Variants in XPNPEP2 observed in about 807,000 individuals in gnomAD.
XPNPEP2 encodes the protein xaa-Pro aminopeptidase 2.
In XPNPEP2, 64 loss-of-function variants were observed where a neutral mutation model predicts 59.8. That is an observed-to-expected ratio of 1.07 (90% CI 0.87 to 1.32). The LOEUF (loss-of-function observed/expected upper bound fraction) is 1.32. Among genes scored for constraint, XPNPEP2 ranks in the 40% most tolerant of loss-of-function variants. XPNPEP2 has a pLI of 0.00. For synonymous variants in XPNPEP2, 235 were observed against 210.0 expected (o/e 1.12, Z -1.03); for missense variants, 575 against 546.8 (o/e 1.05, Z -0.51).
chrX:129,748,008 A>T (rs918512794), intron 7 of XPNPEP2: 5 of 423,657 alleles, frequency 1.2e-5, no homozygotes, highest in Non-Finnish European at 2.1e-5. Flanking sequence ...TTGAAACAAG[A>T]TGGAGCAGGA....
chrX:129,757,899 GAAAGAAAGAA>G lies in XPNPEP2; in HGVS notation c.1368-1279_1368-1270del, dbSNP rs1569477267. ...AGAGAGAGAGAGAGAGAGAGAGAAA[GAAAGAAAGAA>G]AGAAAGAAAGAAAGAAAGAAAGAAA... is the stretch of plus-strand genomic sequence containing the variant. On this transcript the variant is annotated intron_variant, in intron 14 of 20. Coordinates refer to ENST00000371106, the MANE Select transcript of XPNPEP2 (RefSeq NM_003399.6). Among the ~76,000 whole-genome samples the G allele has an allele frequency of 6.4e-3, 109 of 17,004 alleles. 1 individual carries two copies. Among genetic ancestry groups the G allele is most frequent in the Admixed American group, 0.013 (24 of 1,919 alleles). The allele number at this position is 17,004 out of a possible 115,157, so 14.8% of individuals were successfully genotyped here. A position where few individuals can be genotyped will look rare whatever the true frequency, so the allele number is the denominator to read the frequency against.
intron 19 of XPNPEP2, 64 bp from the exon 20 acceptor site, chrX:129,767,539 T>C: frequency 2.7e-6 from 3 of 1,108,514 alleles, no homozygotes; most frequent in Non-Finnish European, 3.7e-6. Flanking sequence ...CTTCCTTCCC[T>C]TCAGCCCAGT....
At chrX:129,746,183 T>C (rs1475436250) in intron 4 of XPNPEP2, 53 bp from the exon 5 acceptor site, 1 of 1,085,951 alleles carries the variant, frequency 9.2e-7, no homozygotes. Context: ...CATCAGCTAA[T>C]GCCACGTTCC....
intron 6 of XPNPEP2, 83 bp from the exon 7 acceptor site, chrX:129,747,524 C>G: frequency 8.6e-7 from 1 of 1,161,383 alleles, no homozygotes; most frequent in Admixed American, 2.3e-5. Flanking sequence ...GCAAAGGGAA[C>G]CAGGACTAAC....
At chrX:129,765,914 G>A (rs753951469) in intron 19 of XPNPEP2, among the ~76,000 whole-genome samples, 1 of 111,910 alleles carries the variant, frequency 8.9e-6, no homozygotes, top group Non-Finnish European at 1.9e-5. Flanking sequence ...CTGGATTACA[G>A]GCGTGAGCCA....
chrX:129,763,610 C>T (rs1484317058), intron 19 of XPNPEP2, among the ~76,000 whole-genome samples: 2 of 111,317 alleles, frequency 1.8e-5, no homozygotes, highest in Non-Finnish European at 3.8e-5. Flanking sequence ...GAGGTTGAGG[C>T]TGCAGTGAGC....
At chrX:129,764,443 G>T (rs1449762089) in intron 19 of XPNPEP2, among the ~76,000 whole-genome samples, 3 of 109,924 alleles carry the variant, frequency 2.7e-5, no homozygotes, top group Non-Finnish European at 5.7e-5. Flanking sequence ...ATCACCTGAG[G>T]TCAGGAGTTC....
Position 129,759,086 on chromosome X carries a change from T to G in XPNPEP2, c.1368-94T>G. 3 of 1,067,169 alleles carry G rather than the reference T, an allele frequency of 2.8e-6. No individual in the cohort carries two copies. The South Asian group carries it at 5.7e-5, about 20-fold the overall frequency. 87.9% of individuals were successfully genotyped at this position (1,067,169 alleles called of 1,213,427 possible). On this transcript the variant is annotated intron_variant, in intron 14 of 20. Transcript: ENST00000371106. Reference sequence around the variant, plus strand: ...TTCCTTTCGCCGTCCACCCATCCCATCCCAGCCCTGCCACTTGTGGAAAGC... The same window carrying G: ...TTCCTTTCGCCGTCCACCCATCCCAGCCCAGCCCTGCCACTTGTGGAAAGC...
Position 129,756,569 on chromosome X carries a change from C to A in XPNPEP2, c.1367+14C>A, listed in dbSNP as rs765864811. The stretch of plus-strand genomic sequence containing the variant: ...GGGGCAGTACTGGTATGTACCCCGA[C>A]CTCACCCTAGCCTGGATGTCTCTGC... On this transcript the variant is annotated intron_variant, in intron 14 of 20. Coordinates refer to ENST00000371106, the MANE Select transcript of XPNPEP2 (RefSeq NM_003399.6). The A allele has an allele frequency of 1.1e-5, 13 of 1,206,761 alleles. No individual in the cohort carries two copies. Among genetic ancestry groups the A allele is most frequent in the Non-Finnish European group, 1.3e-5 (12 of 891,112 alleles).
chrX:129,746,559 A>G (rs764781006), intron 5 of XPNPEP2, 36 bp from the exon 6 acceptor site: 1 of 1,177,328 alleles, frequency 8.5e-7, no homozygotes, highest in South Asian at 1.8e-5. Flanking sequence ...CTGGCCCTGA[A>G]GGTGACCTCT....
chrX:129,765,476 C>T (rs978062673), intron 19 of XPNPEP2, among the ~76,000 whole-genome samples: 1 of 111,070 alleles, frequency 9.0e-6, no homozygotes, highest in Non-Finnish European at 1.9e-5. Flanking sequence ...AAAGGTTGCA[C>T]CAATTGTACT....
Position 129,751,838 on chromosome X carries a change from C to T in XPNPEP2, c.821+12C>T, listed in dbSNP as rs889390820. 1.0e-5 allele frequency: 12 copies of T among 1,196,828 alleles called. No individual in the cohort carries two copies. The East Asian group carries it at 3.3e-4, about 33-fold the overall frequency. On this transcript the variant is annotated intron_variant, in intron 9 of 20. Transcript: ENST00000371106. ...GACTCTTCTATTAGGTATGGCTTTT[C>T]CTTAGCTTGCTGTTGTGGACTTTCT...
intron 19 of XPNPEP2, among the ~76,000 whole-genome samples, chrX:129,766,583 G>A (rs145977178): frequency 0.021 from 2,321 of 109,493 alleles, 54 homozygotes; most frequent in African/African-American, 0.073. Context: ...ATCACAGCCC[G>A]CTGCAGCTTC....
intron 14 of XPNPEP2, among the ~76,000 whole-genome samples, chrX:129,757,923 G>GAA (rs1254910637): frequency 9.6e-6 from 1 of 104,031 alleles, no homozygotes; most frequent in Admixed American, 1.0e-4. Context: ...AAGAAAGAAA[G>GAA]AAAGAAAGAA....
intron 1 of XPNPEP2, among the ~76,000 whole-genome samples, chrX:129,741,317 G>A (rs1413397305): frequency 8.9e-6 from 1 of 111,952 alleles, no homozygotes; most frequent in Non-Finnish European, 1.9e-5. Context: ...CTGAAAGTGC[G>A]CTCACCTCTT....
At position 129,767,769 on chromosome X, in the gene XPNPEP2, T is replaced by C. The variant is rs758098950; in HGVS notation, c.1830+77T>C. ...CTGCTACCTGCCACCACATCCTCTG[T>C]CCCTGCCCCTCCTCCAGGAGGGTCC... On this transcript the variant is annotated intron_variant, in intron 20 of 20. Coordinates refer to ENST00000371106, the MANE Select transcript of XPNPEP2 (RefSeq NM_003399.6). 65 of 1,035,547 alleles carry C rather than the reference T, an allele frequency of 6.3e-5. No homozygotes were observed. The East Asian group carries it at 1.9e-3, about 31-fold the overall frequency. The allele number at this position is 1,035,547 out of a possible 1,213,427, so 85.3% of individuals were successfully genotyped here. A position where few individuals can be genotyped will look rare whatever the true frequency, so the allele number is the denominator to read the frequency against.
In XPNPEP2 at chrX:129,769,223, C is replaced by T. The variant is rs756934296; in HGVS notation, c.*738C>T. 3 of 112,644 alleles carry T rather than the reference C, an allele frequency of 2.7e-5. No individual in the cohort carries two copies. In the South Asian group the frequency reaches 1.1e-3, roughly 41 times the overall value. 9.3% of individuals were successfully genotyped at this position (112,644 alleles called of 1,213,427 possible). A position where few individuals can be genotyped will look rare whatever the true frequency, so the allele number is the denominator to read the frequency against. ...GCTACAATGCTGTTAAATCCTCCCA[C>T]ATTCTTGGATGCCCCTTCACCTTGT... On this transcript the variant is annotated 3_prime_UTR_variant, in exon 21 of 21. Transcript: ENST00000371106.
At chrX:129,757,916 AAAGAAAGAAAGAAAGAAAGAAAG>A (rs1191994298) in intron 14 of XPNPEP2, among the ~76,000 whole-genome samples, 1 of 97,578 alleles carries the variant, frequency 1.0e-5, no homozygotes, top group Non-Finnish European at 2.2e-5. Flanking sequence ...AGAAAGAAAG[AAAGAAAGAAAGAAAGAAAGAAAG>A]AAAGAAAGAA....
At chrX:129,756,272 G>A (rs190149718) in intron 13 of XPNPEP2, among the ~76,000 whole-genome samples, 1 of 111,771 alleles carries the variant, frequency 8.9e-6, no homozygotes, top group East Asian at 2.8e-4. Context: ...GGGGACCAGG[G>A]CCTGGCTCAG....
Sources: gnomAD v4.1 joint callset for allele counts (sites outside exome capture counted in the v4.1 genomes callset) on GRCh38, gnomAD v4.1.1 for gene constraint, MANE v1.5 for transcripts, NCBI Gene and HGNC (gene_info 2026-07-23, HGNC 2026-07-21) for gene names.